ROR1: variants seen among roughly 807,000 people sequenced by gnomAD.
ROR1 encodes inactive tyrosine-protein kinase transmembrane receptor ROR1.
A neutral mutation model predicts 78.8 loss-of-function variants in ROR1; 19 were observed. That is an observed-to-expected ratio of 0.24 (90% confidence interval 0.17 to 0.35). ROR1 has a LOEUF of 0.35. Ranked by LOEUF, ROR1 falls within the 10% of genes least tolerant of loss-of-function variation. The probability of loss-of-function intolerance (pLI) is 1.00; values close to 1 mark genes in which losing one functional copy is unlikely to be tolerated. For synonymous variants in ROR1, 386 were observed against 433.6 expected (o/e 0.89, Z 1.36); for missense variants, 917 against 1,177.8 (o/e 0.78, Z 3.24).
chr1:64,150,755 C>T (rs1390322004), intron 7 of ROR1, among the ~76,000 whole-genome samples: 2 of 152,196 alleles, frequency 1.3e-5, no homozygotes, highest in African/African-American at 4.8e-5. Context: ...TATACATTTT[C>T]AACAACAAAG....
At chr1:64,136,208 A>C (rs1649095829) in intron 4 of ROR1, among the ~76,000 whole-genome samples, 1 of 152,168 alleles carries the variant, frequency 6.6e-6, no homozygotes, top group Non-Finnish European at 1.5e-5. Flanking sequence ...ACTGTGTCCA[A>C]CTTGTAGATG....
At chr1:64,007,377 AGT>A (rs59753220) in intron 1 of ROR1, among the ~76,000 whole-genome samples, 4,541 of 145,962 alleles carry the variant, frequency 0.031, 243 homozygotes, top group African/African-American at 0.11. Context: ...TAATGTTCTG[AGT>A]GTGTGTGTGT....
At chr1:63,785,176 A>G (rs555475472) in intron 1 of ROR1, among the ~76,000 whole-genome samples, 1 of 152,338 alleles carries the variant, frequency 6.6e-6, no homozygotes, top group East Asian at 1.9e-4. Flanking sequence ...CTTTTTCTCC[A>G]TAAGAGAGAT....
chr1:63,977,567 T>G (rs1646172052), intron 1 of ROR1, among the ~76,000 whole-genome samples: 1 of 152,184 alleles, frequency 6.6e-6, no homozygotes, highest in Admixed American at 6.5e-5. Context: ...CCTTGTAGGA[T>G]TATTCTAAAA....
At chr1:63,924,364 A>G (rs6697134) in intron 1 of ROR1, among the ~76,000 whole-genome samples, 3,572 of 152,278 alleles carry the variant, frequency 0.023, 150 homozygotes, top group African/African-American at 0.082. Context: ...TTGAATGAAT[A>G]CATTTTTTAT....
intron 1 of ROR1, among the ~76,000 whole-genome samples, chr1:63,875,356 T>G (rs1379010039): frequency 6.6e-6 from 1 of 152,184 alleles, no homozygotes; most frequent in African/African-American, 2.4e-5. Context: ...TCAGCAAGGC[T>G]TTAGAATTAG....
intron 1 of ROR1, among the ~76,000 whole-genome samples, chr1:63,783,822 T>C (rs957069704): frequency 2.1e-4 from 32 of 152,314 alleles, no homozygotes; most frequent in African/African-American, 7.5e-4. Context: ...CACCGGCTGC[T>C]GAACACTCCT....
chr1:63,843,407 G>T, intron 1 of ROR1: 2 of 746,508 alleles, frequency 2.7e-6, no homozygotes, highest in Non-Finnish European at 4.9e-6. Context: ...CCTCCTCCTT[G>T]CTCTCCTTGG....
Position 64,040,679 on chromosome 1 carries a change from T to G in ROR1, c.164-9012T>G, listed in dbSNP as rs1341947678. 5.9e-5 allele frequency among the ~76,000 whole-genome samples: 9 copies of G among 152,170 alleles called. 1 individual carries two copies. The highest frequency in any genetic ancestry group is 5.9e-4 in the Admixed American group (9 of 15,276). On this transcript the variant is annotated intron_variant, in intron 2 of 8. Transcript: ENST00000371079. ...TTCACAGACAGCTGTCTTCTCATTG[T>G]GTCCTCACATGGTAGGAGAGGCAGG...
intron 1 of ROR1, among the ~76,000 whole-genome samples, chr1:63,859,460 A>G (rs1252838263): frequency 1.3e-5 from 2 of 152,244 alleles, no homozygotes; most frequent in Non-Finnish European, 2.9e-5. Context: ...TCTAGTGCCC[A>G]GCACATAGTT....
intron 1 of ROR1, among the ~76,000 whole-genome samples, chr1:63,872,021 G>A: frequency 6.6e-6 from 1 of 152,214 alleles, no homozygotes; most frequent in Non-Finnish European, 1.5e-5. Flanking sequence ...TTGTCAAAGT[G>A]TAAGAGCTAA....
chr1:64,056,689 A>C (rs913339846), intron 4 of ROR1, among the ~76,000 whole-genome samples: 2 of 151,912 alleles, frequency 1.3e-5, no homozygotes, highest in Admixed American at 6.6e-5. Context: ...AAAAAAAAAA[A>C]ACAAACATTA....
At chr1:63,831,992 A>T (rs1325634975) in intron 1 of ROR1, among the ~76,000 whole-genome samples, 2 of 152,218 alleles carry the variant, frequency 1.3e-5, no homozygotes, top group Non-Finnish European at 2.9e-5. Flanking sequence ...GTTTAAGGTT[A>T]CACAGATCTC....
intron 1 of ROR1, among the ~76,000 whole-genome samples, chr1:63,844,401 T>G (rs1391957725): frequency 6.6e-6 from 1 of 152,218 alleles, no homozygotes; most frequent in Admixed American, 6.5e-5. Flanking sequence ...TCCATGCATG[T>G]GTCGGCCATT....
At chr1:64,083,892 A>G (rs1647127391) in intron 4 of ROR1, among the ~76,000 whole-genome samples, 2 of 152,220 alleles carry the variant, frequency 1.3e-5, no homozygotes, top group Admixed American at 6.5e-5. Flanking sequence ...TGGTGAGCAT[A>G]CTGTTATTCC....
intron 1 of ROR1, among the ~76,000 whole-genome samples, chr1:64,006,507 A>G (rs1646428746): frequency 6.6e-6 from 1 of 152,180 alleles, no homozygotes; most frequent in African/African-American, 2.4e-5. Context: ...TCTTCTGGGG[A>G]AAGCACCTGC....
intron 1 of ROR1, among the ~76,000 whole-genome samples, chr1:63,904,635 A>T (rs775360796): frequency 6.6e-6 from 1 of 152,154 alleles, no homozygotes; most frequent in African/African-American, 2.4e-5. Flanking sequence ...ATATTTGGAG[A>T]TGGGGCTGTT....
At chr1:64,135,289 G>A (rs1243052565) in intron 4 of ROR1, among the ~76,000 whole-genome samples, 1 of 152,134 alleles carries the variant, frequency 6.6e-6, no homozygotes, top group African/African-American at 2.4e-5. Context: ...CTGGAAAGGT[G>A]GTAAGAAGTT....
intron 1 of ROR1, among the ~76,000 whole-genome samples, chr1:63,891,064 A>C (rs751548416): frequency 2.0e-5 from 3 of 152,172 alleles, no homozygotes; most frequent in Admixed American, 6.6e-5. Flanking sequence ...GCTCACCATG[A>C]GTCAGGTATG....
Sources: gnomAD v4.1 joint callset for allele counts (sites outside exome capture counted in the v4.1 genomes callset) on GRCh38, gnomAD v4.1.1 for gene constraint, MANE v1.5 for transcripts, NCBI Gene and HGNC (gene_info 2026-07-23, HGNC 2026-07-21) for gene names.